Variants in PCDH7 observed in about 807,000 individuals in gnomAD.
PCDH7 encodes the protein protocadherin 7.
In PCDH7, 17 loss-of-function variants were observed where a neutral mutation model predicts 58.9. The ratio of observed to expected loss-of-function variants is 0.29; its 90% CI spans 0.20 to 0.43. The LOEUF is 0.43. PCDH7 is among the 20% of genes least tolerant of loss of function. The pLI is 1.00. For missense variants in PCDH7, 1,274 were observed against 1,441.0 expected, an observed-to-expected ratio of 0.88 and a Z score of 1.88; for synonymous variants, 664 against 616.4, an observed-to-expected ratio of 1.08 and a Z score of -1.14.
chr4:30,926,228 A>T (rs555215448), intron 2 of PCDH7, among the ~76,000 whole-genome samples: 18 of 151,178 alleles, frequency 1.2e-4, no homozygotes, highest in Admixed American at 5.3e-4. Flanking sequence ...TCTGCCACCC[A>T]GGCTGGAGTG....
downstream of PCDH7, among the ~76,000 whole-genome samples, chr4:30,735,079 G>C (rs1201898593): frequency 6.6e-6 from 1 of 152,038 alleles, no homozygotes; most frequent in Non-Finnish European, 1.5e-5. Context: ...GCAAATGTTT[G>C]AGGCAAGTAA....
At chr4:31,051,784 G>A (rs1756750246) in intron 3 of PCDH7, among the ~76,000 whole-genome samples, 1 of 149,100 alleles carries the variant, frequency 6.7e-6, no homozygotes, top group Non-Finnish European at 1.5e-5. Flanking sequence ...ATTGTCTTAA[G>A]TAGGAGCAGA....
chr4:31,144,781 G>T (rs1256023735), downstream of PCDH7: 2 of 151,944 alleles, frequency 1.3e-5, no homozygotes, highest in Non-Finnish European at 2.9e-5. Context: ...TGTATAATAG[G>T]TAGGATGCAA....
At chr4:31,042,841 G>T (rs1407713609) in intron 3 of PCDH7, among the ~76,000 whole-genome samples, 2 of 152,000 alleles carry the variant, frequency 1.3e-5, no homozygotes, top group Non-Finnish European at 2.9e-5. Context: ...CTTGAGACTG[G>T]GTAATTTATA....
At chr4:31,009,579 T>G (rs1753022390) in intron 3 of PCDH7, among the ~76,000 whole-genome samples, 1 of 152,046 alleles carries the variant, frequency 6.6e-6, no homozygotes, top group South Asian at 2.1e-4. Flanking sequence ...ATATATTCTG[T>G]GACTTAGATA....
downstream of PCDH7, among the ~76,000 whole-genome samples, chr4:30,733,388 C>T (rs1715791826): frequency 6.6e-6 from 1 of 151,826 alleles, no homozygotes; most frequent in South Asian, 2.1e-4. Flanking sequence ...GAGTCTTTGC[C>T]CTCATGGAAT....
At chr4:30,858,300 C>T (rs1255846908) in intron 1 of PCDH7, among the ~76,000 whole-genome samples, 1 of 152,040 alleles carries the variant, frequency 6.6e-6, no homozygotes, top group South Asian at 2.1e-4. Context: ...CTTTTGTTCT[C>T]ATTTGTGTTG....
At chr4:31,142,275 T>C (rs1019484947) in intron 3 of PCDH7, among the ~76,000 whole-genome samples, 198 bp from the exon 3 acceptor site, 1 of 152,176 alleles carries the variant, frequency 6.6e-6, no homozygotes, top group African/African-American at 2.4e-5. Context: ...TCTATAATAT[T>C]GGATGTCCTT....
chr4:30,898,751 C>T (rs1052526873), intron 1 of PCDH7, among the ~76,000 whole-genome samples: 28 of 152,074 alleles, frequency 1.8e-4, no homozygotes, highest in African/African-American at 3.6e-4. Flanking sequence ...CCACCACGCC[C>T]GGCTAATTTT....
intron 3 of PCDH7, among the ~76,000 whole-genome samples, chr4:31,113,376 T>A (rs1716566466): frequency 6.6e-6 from 1 of 152,190 alleles, no homozygotes; most frequent in South Asian, 2.1e-4. Context: ...GTTAAGCATA[T>A]TTTGCTGTAT....
At chr4:30,814,540 C>A (rs577478982) in intron 1 of PCDH7, among the ~76,000 whole-genome samples, 1 of 151,838 alleles carries the variant, frequency 6.6e-6, no homozygotes, top group East Asian at 1.9e-4. Flanking sequence ...TTACCTTTTT[C>A]TGGCCTAAGA....
intron 1 of PCDH7, among the ~76,000 whole-genome samples, chr4:30,826,922 T>G (rs1447780668): frequency 2.0e-5 from 3 of 152,032 alleles, no homozygotes; most frequent in Non-Finnish European, 4.4e-5. Context: ...GAGACGGGGT[T>G]TTGCCATGCT....
intron 3 of PCDH7, among the ~76,000 whole-genome samples, chr4:30,963,371 GC>G (rs1459452703): frequency 9.2e-5 from 14 of 152,092 alleles, no homozygotes; most frequent in Non-Finnish European, 1.6e-4. Flanking sequence ...CTGTTGGAGA[GC>G]CCTAAATTAT....
chr4:30,794,549 A>C lies in PCDH7; in HGVS notation c.70+69953A>C, dbSNP rs74680996. Among the ~76,000 whole-genome samples, 560 of 152,270 alleles carry C rather than the reference A, an allele frequency of 3.7e-3. 5 individuals are homozygous for C. Among genetic ancestry groups the C allele is most frequent in the Middle Eastern group, 0.014 (4 of 292 alleles). ...TCACAGATAATTCATTGCACACAGA[A>C]CTGTGTATTTATGGAAATCTAATTT... is the stretch of plus-strand genomic sequence containing the variant. On this transcript the variant is annotated intron_variant, in intron 1 of 3. Coordinates refer to the PCDH7 transcript ENST00000509759.
intron 1 of PCDH7, among the ~76,000 whole-genome samples, chr4:30,756,699 C>T (rs902018463): frequency 5.3e-5 from 8 of 152,172 alleles, no homozygotes; most frequent in African/African-American, 1.9e-4. Context: ...ATTACTCATT[C>T]TCTTCCTGTC....
chr4:31,012,611 T>A (rs957343039), intron 3 of PCDH7, among the ~76,000 whole-genome samples: 1 of 150,588 alleles, frequency 6.6e-6, no homozygotes, highest in Admixed American at 6.6e-5. Context: ...AAGAAAAAAA[T>A]TAACACTTGC....
chr4:30,918,453 T>A (rs893128247), intron 1 of PCDH7, among the ~76,000 whole-genome samples: 118 of 152,168 alleles, frequency 7.8e-4, no homozygotes, highest in African/African-American at 1.9e-3. Flanking sequence ...TTATTTTTTT[T>A]AAAATACAGG....
chr4:30,881,666 C>T (rs1254844471), intron 1 of PCDH7, among the ~76,000 whole-genome samples: 2 of 151,974 alleles, frequency 1.3e-5, no homozygotes, highest in Non-Finnish European at 1.5e-5. Flanking sequence ...ATTACTTTGC[C>T]CAGAAAATTG....
intron 3 of PCDH7, among the ~76,000 whole-genome samples, chr4:31,103,395 A>G (rs1715145389): frequency 6.6e-6 from 1 of 152,012 alleles, no homozygotes; most frequent in Admixed American, 6.6e-5. Flanking sequence ...GCTGCTGTGC[A>G]GAGGCGTGAT....
Sources: allele counts gnomAD v4.1 joint callset (sites outside exome capture counted in the v4.1 genomes callset), GRCh38; gene constraint gnomAD v4.1.1; transcripts MANE v1.5; gene names NCBI Gene and HGNC (gene_info 2026-07-23, HGNC 2026-07-21).